KLHL1: variants seen among roughly 807,000 people sequenced by gnomAD.
The protein encoded by KLHL1 is kelch-like protein 1.
KLHL1 carries 47 observed loss-of-function variants against 77.7 expected under a neutral mutation model. The observed-to-expected ratio is 0.60, with a 90% CI of 0.48 to 0.77. The LOEUF (loss-of-function observed/expected upper bound fraction) is 0.77. Ranked by LOEUF, KLHL1 falls within the 30% of genes least tolerant of loss-of-function variation. KLHL1 has a pLI of 0.00. For missense variants in KLHL1, 925 were observed against 910.8 expected (o/e 1.02, Z -0.20); for synonymous variants, 360 against 325.2 (o/e 1.11, Z -1.15).
intron 1 of KLHL1, among the ~76,000 whole-genome samples, chr13:70,051,236 G>A (rs76778170): frequency 0.022 from 3,410 of 151,964 alleles, 77 homozygotes; most frequent in African/African-American, 0.062. Flanking sequence ...TTATTTAATC[G>A]TAATTAGTAA....
At chr13:70,074,279 C>T (rs778440296) in intron 1 of KLHL1, among the ~76,000 whole-genome samples, 30 of 152,190 alleles carry the variant, frequency 2.0e-4, no homozygotes, top group East Asian at 9.7e-4. Flanking sequence ...TACCATCTCT[C>T]GGCATCACTA....
At chr13:69,857,384 T>G (rs1879960968) in intron 5 of KLHL1, among the ~76,000 whole-genome samples, 1 of 152,068 alleles carries the variant, frequency 6.6e-6, no homozygotes, top group African/African-American at 2.4e-5. Flanking sequence ...ACCTTCAACA[T>G]GTAGTCGCAC....
Position 69,707,686 on chromosome 13 carries a change from T to C in KLHL1, c.2126A>G (p.Asp709Gly). ...GDRLYAVGGYDGQTYLNTMES... is the reference protein window; with the variant it reads ...GDRLYAVGGYGGQTYLNTMES... ...CATAGTGTTGAGGTATGTCTGTCCA[T>C]CATAGCCACCAACAGCATATAATCT... Residue 709 changes from aspartate (D) to glycine (G), a missense_variant, in exon 10 of 11, where the codon GAT becomes GGT. Physicochemically the swap from Asp to Gly is moderately conservative, Grantham distance 94 (BLOSUM62 -1). Coordinates refer to ENST00000377844, the MANE Select transcript of KLHL1 (RefSeq NM_020866.3). 6.2e-7 allele frequency: 1 copy of C among 1,612,792 alleles called. No individual in the cohort carries two copies. Among genetic ancestry groups the C allele is most frequent in the Non-Finnish European group, 8.5e-7 (1 of 1,179,198 alleles).
rs921792101 is a variant in KLHL1 at position 69,831,807 on chromosome 13, T to C, written c.1414+7169A>G. ...GGATGTTTTCAAATATGCAAGTCAA[T>C]AGATGTGCTACACAACATAAACAGA... On this transcript the variant is annotated intron_variant, in intron 6 of 10. Coordinates refer to ENST00000377844, the MANE Select transcript of KLHL1 (RefSeq NM_020866.3). Among the ~76,000 whole-genome samples the C allele has an allele frequency of 3.9e-4, 58 of 150,328 alleles. 2 individuals are homozygous for C. The highest frequency in any genetic ancestry group is 1.6e-4 in the Non-Finnish European group (11 of 67,732).
chr13:69,771,130 C>A (rs914670170), intron 7 of KLHL1, among the ~76,000 whole-genome samples: 1 of 152,106 alleles, frequency 6.6e-6, no homozygotes, highest in African/African-American at 2.4e-5. Context: ...GATAAGTCTT[C>A]AAATCAAGAC....
intron 7 of KLHL1, among the ~76,000 whole-genome samples, chr13:69,749,129 G>C (rs962229414): frequency 6.6e-6 from 1 of 151,988 alleles, no homozygotes; most frequent in African/African-American, 2.4e-5. Flanking sequence ...TTTCCTTGCA[G>C]AATGGGCTCA....
At chr13:69,830,980 T>C (rs1292037921) in intron 6 of KLHL1, among the ~76,000 whole-genome samples, 2 of 149,358 alleles carry the variant, frequency 1.3e-5, no homozygotes, top group African/African-American at 5.0e-5. Context: ...TAGTACTAAA[T>C]GCCTACATCA....
chr13:69,991,668 C>T (rs1307928127), intron 1 of KLHL1, among the ~76,000 whole-genome samples: 1 of 145,914 alleles, frequency 6.9e-6, no homozygotes, highest in Non-Finnish European at 1.5e-5. Flanking sequence ...AATAAATAGC[C>T]TATCAACCAA....
At chr13:69,724,191 G>A (rs1297738201) in intron 8 of KLHL1, among the ~76,000 whole-genome samples, 2 of 151,930 alleles carry the variant, frequency 1.3e-5, no homozygotes, top group African/African-American at 2.4e-5. Context: ...ATTTTGCCTT[G>A]GAGTAGCCCA....
At chr13:70,072,478 T>C (rs1887158748) in intron 1 of KLHL1, among the ~76,000 whole-genome samples, 2 of 151,978 alleles carry the variant, frequency 1.3e-5, no homozygotes, top group South Asian at 2.1e-4. Context: ...AACCAGACAA[T>C]GATGTTACGA....
intron 1 of KLHL1, among the ~76,000 whole-genome samples, chr13:70,091,450 C>A (rs914820929): frequency 3.9e-5 from 6 of 152,202 alleles, no homozygotes; most frequent in Non-Finnish European, 7.4e-5. Context: ...AGCAAATAGT[C>A]ATCTACCTGG....
chr13:69,961,219 T>A lies in KLHL1; in HGVS notation c.817+89A>T, dbSNP rs1035238391. The stretch of plus-strand genomic sequence containing the variant: ...TGAAAAGATACAGAATACAGAATTT[T>A]TTTTAAAAAAGCGTTAAATCCTGTA... On this transcript the variant is annotated intron_variant, in intron 3 of 10. Coordinates refer to ENST00000377844, the MANE Select transcript of KLHL1 (RefSeq NM_020866.3). The A allele has an allele frequency of 1.3e-3, 1,686 of 1,266,298 alleles. 23 individuals carry two copies. In the African/African-American group the frequency reaches 0.022, roughly 17 times the overall value. The allele number at this position is 1,266,298 out of a possible 1,614,324, so 78.4% of individuals were successfully genotyped here. A position where few individuals can be genotyped will look rare whatever the true frequency, so the allele number is the denominator to read the frequency against.
chr13:69,845,472 A>G (rs1419877878), intron 5 of KLHL1, among the ~76,000 whole-genome samples: 3 of 151,622 alleles, frequency 2.0e-5, no homozygotes, highest in African/African-American at 4.8e-5. Flanking sequence ...ATTATGCAAA[A>G]AATTTAGCAG....
chr13:70,084,461 C>CTTTTTTTTTTTT (rs1324246935), intron 1 of KLHL1, among the ~76,000 whole-genome samples: 1,233 of 114,852 alleles, frequency 0.011, 157 homozygotes, highest in Non-Finnish European at 0.013. Flanking sequence ...ATTTCTTCTT[C>CTTTTTTTTTTTT]TTCTTTTTTT....
At chr13:70,022,589 T>C (rs118080826) in intron 1 of KLHL1, among the ~76,000 whole-genome samples, 898 of 45,678 alleles carry the variant, frequency 0.02, 7 homozygotes, top group Middle Eastern at 0.071. Context: ...ATTTTTAGAT[T>C]TGTTTTTAAA....
At chr13:69,708,950 C>T (rs1458940367) in intron 9 of KLHL1, among the ~76,000 whole-genome samples, 2 of 151,874 alleles carry the variant, frequency 1.3e-5, no homozygotes, top group African/African-American at 4.8e-5. Flanking sequence ...AATAAAAATA[C>T]CTATACTTTG....
chr13:70,049,620 A>G (rs573393036), intron 1 of KLHL1, among the ~76,000 whole-genome samples: 10 of 152,184 alleles, frequency 6.6e-5, no homozygotes, highest in Non-Finnish European at 1.3e-4. Context: ...TAGTTTATTT[A>G]CACAGATTTT....
Position 69,975,672 on chromosome 13 carries a change from G to C in KLHL1, c.628C>G (p.Gln210Glu), listed in dbSNP as rs553340739. 6.2e-7 allele frequency: 1 copy of C among 1,613,596 alleles called. No homozygotes were observed. The highest frequency in any genetic ancestry group is 8.5e-7 in the Non-Finnish European group (1 of 1,179,752). Residue 210 changes from glutamine to glutamate, a missense_variant, in exon 2 of 11, where the codon CAA (glutamine) becomes GAA (glutamate). By Grantham distance (29) the Gln-to-Glu change is conservative. Transcript: ENST00000377844. ...RKMESYLKQQ[Q>E]LCDVILIVGN... Reference sequence around the variant, plus strand: ...ACAATCAGGATAACATCACAAAGTTGCTGCTGCTTCAAATAACTTTCCATC... The same window carrying C: ...ACAATCAGGATAACATCACAAAGTTCCTGCTGCTTCAAATAACTTTCCATC...
At chr13:70,011,327 T>A (rs144822827) in intron 1 of KLHL1, among the ~76,000 whole-genome samples, 175 of 152,274 alleles carry the variant, frequency 1.1e-3, no homozygotes, top group African/African-American at 3.9e-3. Context: ...AACACAGATA[T>A]TATAAATTAT....
Sources: gnomAD v4.1 joint callset for allele counts (sites outside exome capture counted in the v4.1 genomes callset) on GRCh38, gnomAD v4.1.1 for gene constraint, MANE v1.5 for transcripts, NCBI Gene and HGNC (gene_info 2026-07-23, HGNC 2026-07-21) for gene names.